PKP4: variants seen among roughly 807,000 people sequenced by gnomAD.
PKP4 encodes the protein plakophilin 4.
Under a neutral mutation model 145.1 loss-of-function variants are expected in PKP4, and 90 were observed. The observed-to-expected ratio is 0.62, with a 90% CI of 0.52 to 0.74. The LOEUF is 0.74. Ranked by LOEUF, PKP4 falls within the 30% of genes least tolerant of loss-of-function variation. The probability of loss-of-function intolerance (pLI) is 0.00; values close to 1 mark genes in which losing one functional copy is unlikely to be tolerated. For missense variants in PKP4, 1,340 were observed against 1,482.7 expected, an observed-to-expected ratio of 0.90 and a Z score of 1.58; for synonymous variants, 563 against 577.2, an observed-to-expected ratio of 0.98 and a Z score of 0.35.
In PKP4 at chr2:158,488,653, C is replaced by G. The variant is rs190606877; in HGVS notation, c.-6+31435C>G. On this transcript the variant is annotated intron_variant, in intron 1 of 21. Transcript: ENST00000389759. ...TGATCCCACCTCCTGGAATCCATGCCTTAGTGTAATCTCTGTCCCTTGAGC... is the reference window on the plus strand; with the variant it reads ...TGATCCCACCTCCTGGAATCCATGCGTTAGTGTAATCTCTGTCCCTTGAGC... 2.0e-5 allele frequency among the ~76,000 whole-genome samples: 3 copies of G among 152,244 alleles called. No homozygotes were observed. The East Asian group carries it at 5.8e-4, about 29-fold the overall frequency.
At chr2:158,517,245 G>C (rs889848910) in intron 1 of PKP4, among the ~76,000 whole-genome samples, 2 of 152,136 alleles carry the variant, frequency 1.3e-5, no homozygotes, top group South Asian at 2.1e-4. Context: ...GCAGTCTAGG[G>C]AGGTTTTTAG....
At chr2:158,658,473 A>G (rs907937067) in intron 12 of PKP4, 159 bp downstream of exon 12, 1 of 553,186 alleles carries the variant, frequency 1.8e-6, no homozygotes, top group Non-Finnish European at 3.1e-6. Flanking sequence ...GGAGAAAAAC[A>G]TCGTGAGCAC....
chr2:158,520,100 G>A (rs11685439), intron 1 of PKP4, among the ~76,000 whole-genome samples: 29,714 of 152,018 alleles, frequency 0.2, 3,741 homozygotes, highest in Middle Eastern at 0.34. Context: ...TGTGTAATTC[G>A]TGTTTATCAA....
intron 1 of PKP4, among the ~76,000 whole-genome samples, chr2:158,476,886 C>G (rs1692551770): frequency 2.0e-5 from 3 of 152,084 alleles, no homozygotes; most frequent in African/African-American, 7.2e-5. Flanking sequence ...TTCTAAGCCT[C>G]TGCATGTACA....
At chr2:158,602,645 G>A (rs975183292) in intron 3 of PKP4, among the ~76,000 whole-genome samples, 2 of 152,160 alleles carry the variant, frequency 1.3e-5, no homozygotes, top group African/African-American at 4.8e-5. Context: ...ATTCAAAAGT[G>A]GCCTCAGTAA....
chr2:158,598,018 G>T lies in PKP4; in HGVS notation c.246-5052G>T, dbSNP rs565148329. Reference sequence around the variant, plus strand: ...TTTTAAACTTTTTTGTAGAGATAGGGTCTCACTTTGTTGCCCCGGCTGGTC... The same window carrying T: ...TTTTAAACTTTTTTGTAGAGATAGGTTCTCACTTTGTTGCCCCGGCTGGTC... On this transcript the variant is annotated intron_variant, in intron 3 of 21. Transcript: ENST00000389759. 2.5e-3 allele frequency among the ~76,000 whole-genome samples: 379 copies of T among 152,094 alleles called. 2 individuals are homozygous for T. Among genetic ancestry groups the T allele is most frequent in the African/African-American group, 8.9e-3 (368 of 41,500 alleles).
At chr2:158,499,225 T>C (rs772794944) in intron 1 of PKP4, among the ~76,000 whole-genome samples, 2 of 152,122 alleles carry the variant, frequency 1.3e-5, no homozygotes, top group Non-Finnish European at 2.9e-5. Context: ...TGATTTTTTT[T>C]AATTAAAAAA....
At chr2:158,557,278 A>G (rs2105724859) in intron 2 of PKP4, among the ~76,000 whole-genome samples, 1 of 151,000 alleles carries the variant, frequency 6.6e-6, no homozygotes, top group East Asian at 1.9e-4. Flanking sequence ...TATTATCATG[A>G]TACCTTACAT....
chr2:158,548,892 G>T, intron 2 of PKP4: 1 of 188,082 alleles, frequency 5.3e-6, no homozygotes, highest in Non-Finnish European at 1.1e-5. Flanking sequence ...AGCTGGTGGT[G>T]ATCGCACATG....
intron 19 of PKP4, among the ~76,000 whole-genome samples, chr2:158,674,628 AC>A (rs2057849908): frequency 1.3e-5 from 2 of 152,138 alleles, no homozygotes; most frequent in African/African-American, 4.8e-5. Flanking sequence ...CAACCATACT[AC>A]CTACTTCTTT....
At chr2:158,475,185 T>C (rs1199794466) in intron 1 of PKP4, among the ~76,000 whole-genome samples, 1 of 152,182 alleles carries the variant, frequency 6.6e-6, no homozygotes, top group Admixed American at 6.5e-5. Context: ...TTTATAGCTG[T>C]CTTAAGGAAG....
At chr2:158,561,901 A>G (rs1274855482) in intron 2 of PKP4, among the ~76,000 whole-genome samples, 2 of 150,726 alleles carry the variant, frequency 1.3e-5, no homozygotes, top group African/African-American at 2.4e-5. Flanking sequence ...AACATTAGGT[A>G]TTTCTCCCAA....
chr2:158,672,109 G>A lies in PKP4; in HGVS notation c.2925-1568G>A, dbSNP rs369341054. 1.8e-3 allele frequency among the ~76,000 whole-genome samples: 279 copies of A among 152,336 alleles called. 1 individual carries two copies. The highest frequency in any genetic ancestry group is 2.6e-3 in the Non-Finnish European group (176 of 68,026). ...ACGGCCTTGGCCAAGGCAGGGCACC[G>A]CATCCCCTCTGCACTTATCCGTGAA... On this transcript the variant is annotated intron_variant, in intron 17 of 21. Transcript: ENST00000389759.
intron 1 of PKP4, among the ~76,000 whole-genome samples, chr2:158,474,332 C>A (rs995589260): frequency 6.6e-6 from 1 of 152,148 alleles, no homozygotes; most frequent in Non-Finnish European, 1.5e-5. Context: ...TTGCTGTTAA[C>A]GATATCACTT....
In PKP4 at chr2:158,673,978, G is replaced by C; in HGVS notation, c.3105G>C (p.Gln1035His). The stretch of plus-strand genomic sequence containing the variant: ...CTTCCTTGTCTACCACCAACCAACA[G>C]ATGTCACCCATCATTCAGTCAGGTC... ...SHPSLSTTNQQMSPIIQSVGS... is the reference protein window; with the variant it reads ...SHPSLSTTNQHMSPIIQSVGS... The change falls in exon 19 of 22, where the codon CAG (glutamine) becomes CAC (histidine). Residue 1035 changes from glutamine (Q) to histidine (H), a missense_variant. Physicochemically the swap from Gln to His is conservative, Grantham distance 24. Coordinates refer to ENST00000389759, the MANE Select transcript of PKP4 (RefSeq NM_003628.6). 1 of 1,601,556 alleles carries C rather than the reference G, an allele frequency of 6.2e-7. No individual in the cohort carries two copies. Among genetic ancestry groups the C allele is most frequent in the Non-Finnish European group, 8.6e-7 (1 of 1,168,466 alleles).
chr2:158,476,232 A>T (rs1692446427), intron 1 of PKP4, among the ~76,000 whole-genome samples: 1 of 152,194 alleles, frequency 6.6e-6, no homozygotes, highest in Non-Finnish European at 1.5e-5. Context: ...TATTCATGTT[A>T]TTGGTTTTCA....
intron 17 of PKP4, among the ~76,000 whole-genome samples, chr2:158,671,939 G>A (rs1575113574): frequency 6.6e-6 from 1 of 152,332 alleles, no homozygotes; most frequent in East Asian, 1.9e-4. Flanking sequence ...CCTGGGGGAA[G>A]AGCATTTCGG....
At chr2:158,476,884 C>T (rs1356146919) in intron 1 of PKP4, among the ~76,000 whole-genome samples, 1 of 152,014 alleles carries the variant, frequency 6.6e-6, no homozygotes, top group African/African-American at 2.4e-5. Context: ...TTTTCTAAGC[C>T]TCTGCATGTA....
intron 2 of PKP4, among the ~76,000 whole-genome samples, chr2:158,565,709 A>G (rs982596272): frequency 1.3e-5 from 2 of 152,122 alleles, no homozygotes; most frequent in Admixed American, 1.3e-4. Flanking sequence ...CTGGATGTGT[A>G]TGCACTGAGG....
Sources: gnomAD v4.1 joint callset for allele counts (sites outside exome capture counted in the v4.1 genomes callset) on GRCh38, gnomAD v4.1.1 for gene constraint, MANE v1.5 for transcripts, NCBI Gene and HGNC (gene_info 2026-07-23, HGNC 2026-07-21) for gene names.